SLIT3: variants seen among roughly 807,000 people sequenced by gnomAD.
SLIT3 encodes the protein slit homolog 3 protein.
In SLIT3, 68 loss-of-function variants were observed where a neutral mutation model predicts 184.0. The observed-to-expected ratio is 0.37, with a 90% confidence interval of 0.30 to 0.45. SLIT3 has a LOEUF of 0.45. Ranked by LOEUF, SLIT3 falls within the 20% of genes least tolerant of loss-of-function variation. The probability of loss-of-function intolerance (pLI) is 1.00; values close to 1 mark genes in which losing one functional copy is unlikely to be tolerated. For missense variants in SLIT3, 1,707 were observed against 2,026.0 expected, an observed-to-expected ratio of 0.84 and a Z score of 3.02; for synonymous variants, 831 against 828.6, an observed-to-expected ratio of 1.00 and a Z score of -0.05.
intron 4 of SLIT3, among the ~76,000 whole-genome samples, chr5:169,019,715 G>T (rs1489241668): frequency 6.6e-6 from 1 of 152,152 alleles, no homozygotes; most frequent in African/African-American, 2.4e-5. Flanking sequence ...ACTAAGGGTG[G>T]AATCCTGAAA....
At chr5:169,140,809 A>T (rs1465422816) in intron 4 of SLIT3, among the ~76,000 whole-genome samples, 2 of 152,176 alleles carry the variant, frequency 1.3e-5, no homozygotes, top group Non-Finnish European at 2.9e-5. Flanking sequence ...CTCAAAAAAG[A>T]ATAATGCAGG....
chr5:169,221,956 C>T (rs1260174429), intron 3 of SLIT3, among the ~76,000 whole-genome samples: 2 of 152,156 alleles, frequency 1.3e-5, no homozygotes, highest in Non-Finnish European at 2.9e-5. Context: ...ATAGGATGTA[C>T]AGGACAACAA....
At chr5:168,942,757 C>G (rs56244731) in intron 4 of SLIT3, among the ~76,000 whole-genome samples, 1 of 64,830 alleles carries the variant, frequency 1.5e-5, no homozygotes, top group South Asian at 4.1e-4. Context: ...TTCAGGGCCT[C>G]TGGAGTTTGT....
At chr5:168,869,831 G>A (rs1759444483) in intron 5 of SLIT3, among the ~76,000 whole-genome samples, 1 of 152,192 alleles carries the variant, frequency 6.6e-6, no homozygotes, top group Non-Finnish European at 1.5e-5. Flanking sequence ...CCCAGGAACG[G>A]ATCATTGGCA....
chr5:168,912,389 T>A (rs925018154), intron 4 of SLIT3, among the ~76,000 whole-genome samples: 7 of 152,162 alleles, frequency 4.6e-5, no homozygotes, highest in African/African-American at 1.7e-4. Context: ...GAGGTTGGTG[T>A]CCCTAACCCC....
At chr5:168,780,744 C>A (rs913947089) in intron 12 of SLIT3, among the ~76,000 whole-genome samples, 1 of 152,196 alleles carries the variant, frequency 6.6e-6, no homozygotes, top group African/African-American at 2.4e-5. Flanking sequence ...CCTCTGTCAT[C>A]CTGAATTTCT....
intron 4 of SLIT3, chr5:169,017,858 A>C (rs936559191): frequency 6.6e-6 from 1 of 152,360 alleles, no homozygotes; most frequent in African/African-American, 2.4e-5. Context: ...TCAGAGAAGT[A>C]ATCTGGAGCC....
At chr5:168,929,701 T>C (rs1447715689) in intron 4 of SLIT3, among the ~76,000 whole-genome samples, 1 of 152,254 alleles carries the variant, frequency 6.6e-6, no homozygotes, top group Admixed American at 6.5e-5. Flanking sequence ...AGTCTATTTG[T>C]ACATGAGCAG....
At chr5:169,279,616 A>G (rs1766929306) in intron 1 of SLIT3, among the ~76,000 whole-genome samples, 1 of 152,258 alleles carries the variant, frequency 6.6e-6, no homozygotes, top group African/African-American at 2.4e-5. Flanking sequence ...TATGTAAATA[A>G]TAATTTAATA....
intron 4 of SLIT3, among the ~76,000 whole-genome samples, chr5:168,932,262 T>TTTG (rs1562012860): frequency 8.2e-4 from 55 of 66,988 alleles, no homozygotes; most frequent in Middle Eastern, 6.1e-3. Flanking sequence ...TGTTGTGTTT[T>TTTG]TTTTTTTTTT....
intron 32 of SLIT3, among the ~76,000 whole-genome samples, chr5:168,675,962 A>G (rs1761396083): frequency 6.6e-6 from 1 of 151,880 alleles, no homozygotes; most frequent in Admixed American, 6.6e-5. Flanking sequence ...CTTTCCATCT[A>G]TTCTACCTAT....
intron 4 of SLIT3, among the ~76,000 whole-genome samples, chr5:168,975,080 C>A (rs57736830): frequency 6.6e-6 from 1 of 152,008 alleles, no homozygotes; most frequent in African/African-American, 2.4e-5. Context: ...CACACAGACC[C>A]CCCTACTGAG....
At chr5:168,807,743 GA>G (rs926934729) in intron 8 of SLIT3, among the ~76,000 whole-genome samples, 11 of 152,126 alleles carry the variant, frequency 7.2e-5, no homozygotes, top group Non-Finnish European at 1.6e-4. Flanking sequence ...AGTCTGCAGG[GA>G]AAAAGTGATT....
At chr5:168,848,621 A>G (rs966189745) in intron 5 of SLIT3, among the ~76,000 whole-genome samples, 1 of 152,228 alleles carries the variant, frequency 6.6e-6, no homozygotes, top group African/African-American at 2.4e-5. Flanking sequence ...TCGGCAAACA[A>G]TATGAGTGCT....
intron 6 of SLIT3, among the ~76,000 whole-genome samples, chr5:168,826,976 C>T (rs888102782): frequency 1.3e-5 from 2 of 152,174 alleles, no homozygotes; most frequent in African/African-American, 4.8e-5. Context: ...GTTGGCCAGG[C>T]TGGTCTTCAA....
rs776816999 is a variant in SLIT3, at chr5:168,666,579, C to T, written c.4447G>A (p.Gly1483Arg). 1 of 1,614,152 alleles carries T rather than the reference C, an allele frequency of 6.2e-7. No individual in the cohort carries two copies. The highest frequency in any genetic ancestry group is 1.1e-5 in the South Asian group (1 of 91,078). ...CGGGTGGGCTGGCAGCACTGGGGCC[C>T]ACAGCCCCCACGACATTCCATGATG... ...VPIMECRGGC[G>R]PQCCQPTRSK... is the part of the protein sequence containing the mutation. The change falls in exon 36 of 36, where the codon GGG (glycine) becomes AGG (arginine). Residue 1483 changes from glycine (G) to arginine (R), a missense_variant. This residue lies in a region of SLIT3 where 387 missense variants were observed against 477.9 expected (regional missense o/e 0.81). Coordinates refer to ENST00000519560, the MANE Select transcript of SLIT3 (RefSeq NM_003062.4).
At chr5:169,062,186 CA>C (rs1758194000) in intron 4 of SLIT3, among the ~76,000 whole-genome samples, 1 of 151,610 alleles carries the variant, frequency 6.6e-6, no homozygotes, top group African/African-American at 2.4e-5. Context: ...TCTGTCTCAG[CA>C]AAAAAATAAA....
chr5:168,852,362 A>G (rs2113730595), intron 5 of SLIT3, among the ~76,000 whole-genome samples: 1 of 152,370 alleles, frequency 6.6e-6, no homozygotes, highest in South Asian at 2.1e-4. Flanking sequence ...GGGGTTTCAG[A>G]AAATTTTCCC....
At chr5:168,875,413 C>G (rs2113774822) in intron 5 of SLIT3, among the ~76,000 whole-genome samples, 1 of 152,152 alleles carries the variant, frequency 6.6e-6, no homozygotes, top group East Asian at 1.9e-4. Context: ...GGGTGGATCA[C>G]CTGAGGTCAG....
Sources: allele counts gnomAD v4.1 joint callset (sites outside exome capture counted in the v4.1 genomes callset), GRCh38; gene constraint gnomAD v4.1.1; regional missense constraint gnomAD v4.1.1; transcripts MANE v1.5; gene names NCBI Gene and HGNC (gene_info 2026-07-23, HGNC 2026-07-21).